Variants in CGNL1 observed in about 807,000 individuals in gnomAD.
CGNL1 encodes cingulin like 1.
A neutral mutation model predicts 141.2 loss-of-function variants in CGNL1; 132 were observed. The observed-to-expected ratio is 0.93, with a 90% CI of 0.81 to 1.08. The LOEUF (loss-of-function observed/expected upper bound fraction) is 1.08, where lower values mean the gene tolerates loss of function less well. Ranked by LOEUF, CGNL1 falls within the 50% of genes least tolerant of loss-of-function variation. The pLI, the probability that CGNL1 is intolerant of heterozygous loss-of-function variation, is 0.00. For missense variants in CGNL1, 1,870 were observed against 1,588.6 expected (o/e 1.18, Z -3.01); for synonymous variants, 690 against 622.1 (o/e 1.11, Z -1.63).
chr15:57,449,590 G>A (rs1174653192), intron 4 of CGNL1, among the ~76,000 whole-genome samples: 1 of 152,074 alleles, frequency 6.6e-6, no homozygotes, highest in Non-Finnish European at 1.5e-5. Context: ...CATAGTTTAC[G>A]TTAGTGTTCA....
intron 8 of CGNL1, among the ~76,000 whole-genome samples, chr15:57,496,244 G>C (rs997830386): frequency 2.6e-5 from 4 of 152,096 alleles, no homozygotes; most frequent in Admixed American, 1.3e-4. Context: ...AGAAAATCAT[G>C]GTAATTTTTA....
chr15:57,403,489 A>T (rs1268487695), intron 1 of CGNL1, among the ~76,000 whole-genome samples: 2 of 152,190 alleles, frequency 1.3e-5, no homozygotes, highest in Non-Finnish European at 2.9e-5. Flanking sequence ...TACTGATGCC[A>T]AGGAGTTTAT....
chr15:57,450,892 T>A (rs1370874057), intron 4 of CGNL1, among the ~76,000 whole-genome samples: 15 of 152,206 alleles, frequency 9.9e-5, no homozygotes, highest in Admixed American at 2.6e-4. Flanking sequence ...ATACATTGGG[T>A]TCTGTAGATA....
intron 7 of CGNL1, among the ~76,000 whole-genome samples, chr15:57,457,972 A>G (rs1395242480): frequency 3.9e-5 from 6 of 152,182 alleles, no homozygotes; most frequent in Admixed American, 3.9e-4. Flanking sequence ...GGGAAAGGGC[A>G]TTAGGACCCA....
At chr15:57,414,008 T>C (rs2062821937) in intron 1 of CGNL1, among the ~76,000 whole-genome samples, 1 of 152,188 alleles carries the variant, frequency 6.6e-6, no homozygotes, top group African/African-American at 2.4e-5. Context: ...AAATGAAAAG[T>C]CTTAAAGCCT....
At chr15:57,389,511 C>T (rs2062519059) in intron 1 of CGNL1, among the ~76,000 whole-genome samples, 1 of 152,178 alleles carries the variant, frequency 6.6e-6, no homozygotes, top group Non-Finnish European at 1.5e-5. Flanking sequence ...CCCTCTCGCC[C>T]AATAGGATTT....
intron 8 of CGNL1, among the ~76,000 whole-genome samples, chr15:57,508,149 C>G (rs1377187043): frequency 6.6e-6 from 1 of 152,120 alleles, no homozygotes; most frequent in East Asian, 1.9e-4. Flanking sequence ...ACATTTATTT[C>G]CATCTCTCCC....
intron 1 of CGNL1, among the ~76,000 whole-genome samples, chr15:57,426,315 T>C (rs867491348): frequency 2.0e-5 from 3 of 152,188 alleles, no homozygotes; most frequent in African/African-American, 4.8e-5. Flanking sequence ...TGGCTAATTT[T>C]TGTATTTTTA....
At chr15:57,485,758 C>A (rs2063777422) in intron 8 of CGNL1, among the ~76,000 whole-genome samples, 3 of 152,310 alleles carry the variant, frequency 2.0e-5, no homozygotes, top group Non-Finnish European at 4.4e-5. Flanking sequence ...ATACTTTTGA[C>A]ACCACCTTTT....
chr15:57,419,685 A>G (rs112757687), intron 1 of CGNL1, among the ~76,000 whole-genome samples: 4 of 152,204 alleles, frequency 2.6e-5, no homozygotes, highest in African/African-American at 9.7e-5. Flanking sequence ...CTTCTCATCA[A>G]AGGACATATC....
At chr15:57,487,575 AG>A (rs2063801781) in intron 8 of CGNL1, among the ~76,000 whole-genome samples, 1 of 152,218 alleles carries the variant, frequency 6.6e-6, no homozygotes, top group South Asian at 2.1e-4. Flanking sequence ...CTATATACTC[AG>A]ATTTTCCTTT....
intron 8 of CGNL1, among the ~76,000 whole-genome samples, chr15:57,498,390 T>A (rs564018325): frequency 1.3e-5 from 2 of 151,850 alleles, no homozygotes; most frequent in African/African-American, 4.8e-5. Context: ...GCTTTTGTAA[T>A]GACAAGGTTT....
At chr15:57,538,169 C>G (rs2032367938) in intron 14 of CGNL1, among the ~76,000 whole-genome samples, 3 of 152,354 alleles carry the variant, frequency 2.0e-5, no homozygotes, top group Non-Finnish European at 4.4e-5. Flanking sequence ...GAAACCCATC[C>G]TTCTTGGGGC....
intron 8 of CGNL1, among the ~76,000 whole-genome samples, chr15:57,475,287 G>A (rs1159855761): frequency 1.3e-5 from 2 of 152,130 alleles, no homozygotes; most frequent in African/African-American, 4.8e-5. Context: ...TGTTGTCCCT[G>A]GTGAGCTTGG....
intron 8 of CGNL1, among the ~76,000 whole-genome samples, chr15:57,511,191 C>T (rs976069753): frequency 1.3e-5 from 2 of 152,208 alleles, no homozygotes; most frequent in Non-Finnish European, 2.9e-5. Flanking sequence ...TTTCCTGCCT[C>T]ATAGTCAGTC....
At chr15:57,412,656 A>G (rs2062803007) in intron 1 of CGNL1, among the ~76,000 whole-genome samples, 1 of 152,100 alleles carries the variant, frequency 6.6e-6, no homozygotes, top group East Asian at 1.9e-4. Flanking sequence ...GAGAAAGCTC[A>G]TTTCCCCCTT....
chr15:57,521,750 C>G (rs1387575578), intron 10 of CGNL1, among the ~76,000 whole-genome samples: 1 of 152,048 alleles, frequency 6.6e-6, no homozygotes, highest in African/African-American at 2.4e-5. Flanking sequence ...AGCAGAAATG[C>G]ATGCACGAAC....
intron 12 of CGNL1, among the ~76,000 whole-genome samples, chr15:57,526,808 G>T (rs188866785): frequency 2.3e-3 from 343 of 152,224 alleles, no homozygotes; most frequent in African/African-American, 7.5e-3. Context: ...GCCCTTACCG[G>T]GTGTTAGGAG....
intron 8 of CGNL1, among the ~76,000 whole-genome samples, chr15:57,473,486 A>G (rs1202157809): frequency 6.6e-6 from 1 of 152,232 alleles, no homozygotes; most frequent in Admixed American, 6.5e-5. Context: ...GTTGGCCCCC[A>G]GTGACCTGAG....
Sources: gnomAD v4.1 joint callset for allele counts (sites outside exome capture counted in the v4.1 genomes callset) on GRCh38, gnomAD v4.1.1 for gene constraint, MANE v1.5 for transcripts, NCBI Gene and HGNC (gene_info 2026-07-23, HGNC 2026-07-21) for gene names.